The following ABCC1 variants were observed in gnomAD, a reference collection of about 807,000 sequenced individuals.
ABCC1 encodes multidrug resistance-associated protein 1.
ABCC1 carries 83 observed loss-of-function variants against 172.9 expected under a neutral mutation model. That is an observed-to-expected ratio of 0.48 (90% CI 0.40 to 0.58). ABCC1 has a LOEUF of 0.58. ABCC1 is among the 20% of genes least tolerant of loss of function. The pLI, the probability that ABCC1 is intolerant of heterozygous loss-of-function variation, is 0.00. For synonymous variants in ABCC1, 937 were observed against 825.2 expected, an observed-to-expected ratio of 1.14 and a Z score of -2.32; for missense variants, 1,817 against 2,002.7, an observed-to-expected ratio of 0.91 and a Z score of 1.77.
chr16:16,141,073 GGCCTGACCCGAAGCAGT>G, intron 30 of ABCC1, 83 bp from the exon 31 acceptor site: 1 of 973,874 alleles, frequency 1.0e-6, no homozygotes, highest in South Asian at 1.4e-5. Context: ...AAGTGTTAGG[GGCCTGACCCGAAGCAGT>G]GACTTGCCCA....
At chr16:16,067,068 T>C (rs1417154389) in intron 12 of ABCC1, among the ~76,000 whole-genome samples, 1 of 151,276 alleles carries the variant, frequency 6.6e-6, no homozygotes, top group Non-Finnish European at 1.5e-5. Flanking sequence ...CTAGGAAGCA[T>C]AGGGAGACCC....
chr16:16,134,789 A>G (rs556391273), intron 28 of ABCC1, among the ~76,000 whole-genome samples: 27 of 152,172 alleles, frequency 1.8e-4, no homozygotes, highest in Non-Finnish European at 3.5e-4. Context: ...GGCACATGCC[A>G]CCACACCCAG....
chr16:16,105,698 T>G (rs2052053956), intron 20 of ABCC1, among the ~76,000 whole-genome samples: 1 of 138,214 alleles, frequency 7.2e-6, no homozygotes, highest in Non-Finnish European at 1.6e-5. Flanking sequence ...CTCCATAATT[T>G]CTTTTCTTTT....
At chr16:15,978,148 T>C (rs1448541182) in intron 1 of ABCC1, among the ~76,000 whole-genome samples, 1 of 152,016 alleles carries the variant, frequency 6.6e-6, no homozygotes, top group Non-Finnish European at 1.5e-5. Flanking sequence ...GCAGGGAGGA[T>C]TGCTTGAGGC....
chr16:16,056,620 G>GATC, intron 12 of ABCC1: 1 of 383,004 alleles, frequency 2.6e-6, no homozygotes, highest in Non-Finnish European at 4.8e-6. Context: ...AGTGGGCCAA[G>GATC]ATCACGCCAG....
chr16:16,087,303 A>G (rs572649937), intron 18 of ABCC1, among the ~76,000 whole-genome samples: 13 of 152,152 alleles, frequency 8.5e-5, no homozygotes, highest in African/African-American at 3.1e-4. Flanking sequence ...ATTGCCTGTG[A>G]CCTAGCAGGC....
intron 1 of ABCC1, among the ~76,000 whole-genome samples, chr16:15,954,404 A>C (rs2045942282): frequency 6.6e-6 from 1 of 152,050 alleles, no homozygotes; most frequent in African/African-American, 2.4e-5. Flanking sequence ...TTAGAGTGGA[A>C]AGGGATGTCA....
rs183805682 is a variant in ABCC1 at position 15,994,425 on chromosome 16, C to T, written c.49-13391C>T. ...AAGGGGAGAGTTTTAATAGTCCTGACTTTGTAGGGCTGTTGGAAAGCTTAA... is the reference window on the plus strand; with the variant it reads ...AAGGGGAGAGTTTTAATAGTCCTGATTTTGTAGGGCTGTTGGAAAGCTTAA... On this transcript the variant is annotated intron_variant, in intron 1 of 30. Transcript: ENST00000399410. Among the ~76,000 whole-genome samples, 636 of 152,250 alleles carry T rather than the reference C, an allele frequency of 4.2e-3. 2 individuals are homozygous for T. The highest frequency in any genetic ancestry group is 5.6e-3 in the Non-Finnish European group (384 of 68,026).
intron 19 of ABCC1, among the ~76,000 whole-genome samples, chr16:16,101,795 T>C (rs1330092602): frequency 6.6e-6 from 1 of 152,214 alleles, no homozygotes; most frequent in Non-Finnish European, 1.5e-5. Context: ...TTGATAAATG[T>C]TGGCTGTCAT....
intron 27 of ABCC1, among the ~76,000 whole-genome samples, chr16:16,132,337 TAA>T (rs1567441013): frequency 1.1e-3 from 165 of 149,760 alleles, no homozygotes; most frequent in Non-Finnish European, 1.9e-3. Flanking sequence ...TGCACCTGGC[TAA>T]TTTTTGTATT....
At position 16,009,466 on chromosome 16, in the gene ABCC1, T is replaced by G. The variant is rs2047685412; in HGVS notation, c.226-310T>G. On this transcript the variant is annotated intron_variant, in intron 2 of 30. Transcript: ENST00000399410. ...TTGTGCAGTGCGCCGGAGTTGCAGC[T>G]AGAGATGAGCTGTGAGCTGAGCTCT... 2.0e-5 allele frequency among the ~76,000 whole-genome samples: 3 copies of G among 152,152 alleles called. No homozygotes were observed. In the South Asian group the frequency reaches 6.2e-4, roughly 32 times the overall value.
chr16:16,008,141 C>G (rs766208221), intron 2 of ABCC1, 149 bp downstream of exon 2: 36 of 838,672 alleles, frequency 4.3e-5, no homozygotes, highest in Non-Finnish European at 5.8e-5. Flanking sequence ...GAGGTGAAAA[C>G]TGGAGCTCTG....
intron 14 of ABCC1, among the ~76,000 whole-genome samples, chr16:16,074,805 C>T (rs1012643228): frequency 1.3e-5 from 2 of 152,200 alleles, no homozygotes; most frequent in Non-Finnish European, 2.9e-5. Context: ...CTTCCTCTCT[C>T]TCTAGGTTTT....
At chr16:16,036,125 A>G (rs2048745973) in intron 6 of ABCC1, among the ~76,000 whole-genome samples, 1 of 152,000 alleles carries the variant, frequency 6.6e-6, no homozygotes. Context: ...CCCTCTCTCC[A>G]AGTAAATAAA....
chr16:16,002,962 AAGAC>A (rs1236852345), intron 1 of ABCC1, among the ~76,000 whole-genome samples: 6 of 152,182 alleles, frequency 3.9e-5, no homozygotes, highest in Non-Finnish European at 8.8e-5. Context: ...TTTGGGGAGA[AAGAC>A]ATATTTTTCA....
chr16:16,101,749 A>G (rs1309934317), intron 19 of ABCC1, among the ~76,000 whole-genome samples: 1 of 152,082 alleles, frequency 6.6e-6, no homozygotes, highest in African/African-American at 2.4e-5. Context: ...AAGAGATATG[A>G]TCTGTGTTGA....
intron 14 of ABCC1, among the ~76,000 whole-genome samples, chr16:16,073,895 G>A (rs904545902): frequency 2.6e-5 from 4 of 152,334 alleles, no homozygotes; most frequent in African/African-American, 9.6e-5. Flanking sequence ...GTGTGTAAAC[G>A]TCGGTTATAC....
chr16:16,051,829 G>GT (rs2049441979), intron 10 of ABCC1, among the ~76,000 whole-genome samples: 1 of 152,202 alleles, frequency 6.6e-6, no homozygotes, highest in Non-Finnish European at 1.5e-5. Flanking sequence ...TGGAAACCCT[G>GT]TAAGTATGCA....
intron 1 of ABCC1, among the ~76,000 whole-genome samples, chr16:15,964,225 G>T (rs904532240): frequency 6.6e-6 from 1 of 151,866 alleles, no homozygotes; most frequent in Non-Finnish European, 1.5e-5. Flanking sequence ...TTACAGGCGT[G>T]AGCCACTGCG....
Sources: gnomAD v4.1 joint callset for allele counts (sites outside exome capture counted in the v4.1 genomes callset) on GRCh38, gnomAD v4.1.1 for gene constraint, MANE v1.5 for transcripts, NCBI Gene and HGNC (gene_info 2026-07-23, HGNC 2026-07-21) for gene names.